ABCA10: variants seen among roughly 807,000 people sequenced by gnomAD.
The protein encoded by ABCA10 is ATP-binding cassette sub-family A member 10.
Under a neutral mutation model 187.5 loss-of-function variants are expected in ABCA10, and 169 were observed. The observed-to-expected ratio is 0.90, with a 90% CI of 0.80 to 1.02. The LOEUF is 1.02. Ranked by LOEUF, ABCA10 falls within the 50% of genes least tolerant of loss-of-function variation. The probability of loss-of-function intolerance (pLI) is 0.00; values close to 1 mark genes in which losing one functional copy is unlikely to be tolerated. For synonymous variants in ABCA10, 574 were observed against 601.8 expected, an observed-to-expected ratio of 0.95 and a Z score of 0.68; for missense variants, 1,727 against 1,812.4, an observed-to-expected ratio of 0.95 and a Z score of 0.86.
At chr17:69,176,158 T>C (rs1182117824) in intron 22 of ABCA10, among the ~76,000 whole-genome samples, 1 of 152,188 alleles carries the variant, frequency 6.6e-6, no homozygotes, top group Non-Finnish European at 1.5e-5. Flanking sequence ...ACAGTTATCA[T>C]ATCTGAAGCA....
intron 22 of ABCA10, chr17:69,179,051 G>A (rs1227746439): frequency 6.6e-6 from 1 of 151,964 alleles, no homozygotes; most frequent in Non-Finnish European, 1.5e-5. Context: ...CATCTCCTCT[G>A]TTTTCTGATT....
intron 18 of ABCA10, among the ~76,000 whole-genome samples, chr17:69,189,975 G>T (rs2074447906): frequency 6.6e-6 from 1 of 152,130 alleles, no homozygotes; most frequent in South Asian, 2.1e-4. Flanking sequence ...ACATTAATTA[G>T]AATTAGTTTA....
chr17:69,156,305 G>A (rs990730708), intron 28 of ABCA10, among the ~76,000 whole-genome samples: 6 of 152,100 alleles, frequency 3.9e-5, no homozygotes, highest in Non-Finnish European at 7.4e-5. Context: ...TCTCCTTAGG[G>A]ACCCATAATG....
chr17:69,178,479 C>T (rs1325785857), intron 22 of ABCA10, among the ~76,000 whole-genome samples: 3 of 152,258 alleles, frequency 2.0e-5, no homozygotes, highest in African/African-American at 7.2e-5. Flanking sequence ...AAATCAGAAT[C>T]TCTGGGGATG....
chr17:69,191,066 A>G (rs1204648111), intron 17 of ABCA10, 110 bp downstream of exon 17: 23 of 1,069,546 alleles, frequency 2.2e-5, no homozygotes, highest in Non-Finnish European at 2.8e-5. Context: ...TTATGAATAA[A>G]TATTTTCATT....
chr17:69,175,818 A>G (rs940131962), intron 22 of ABCA10: 8 of 186,294 alleles, frequency 4.3e-5, no homozygotes, highest in Non-Finnish European at 6.6e-5. Context: ...AACCCTATAC[A>G]TAATATGTTT....
intron 25 of ABCA10, among the ~76,000 whole-genome samples, chr17:69,173,263 G>A (rs1388930282): frequency 1.3e-5 from 2 of 152,266 alleles, no homozygotes; most frequent in East Asian, 1.9e-4. Context: ...AGCTGTCACA[G>A]GGATGCGATT....
At chr17:69,188,343 T>TA (rs1225410068) in intron 18 of ABCA10, among the ~76,000 whole-genome samples, 1 of 152,060 alleles carries the variant, frequency 6.6e-6, no homozygotes, top group Non-Finnish European at 1.5e-5. Flanking sequence ...GCCTCCTGTT[T>TA]GAGTCCCACA....
rs117884762 is a variant in ABCA10 at position 69,218,052 on chromosome 17, T to C, written c.530+1493A>G. Among the ~76,000 whole-genome samples the C allele has an allele frequency of 2.3e-3, 347 of 152,300 alleles. 1 individual carries two copies. Among genetic ancestry groups the C allele is most frequent in the Middle Eastern group, 6.8e-3 (2 of 294 alleles). Reference sequence around the variant, plus strand: ...GATTAAATGTTTGAGGTAATGGATATTCCAATTGTTCTGATTTGATCATTA... The same window carrying C: ...GATTAAATGTTTGAGGTAATGGATACTCCAATTGTTCTGATTTGATCATTA... On this transcript the variant is annotated intron_variant, in intron 6 of 38. Coordinates refer to ENST00000690296, the MANE Select transcript of ABCA10 (RefSeq NM_001377321.1).
intron 9 of ABCA10, among the ~76,000 whole-genome samples, chr17:69,203,405 G>A (rs890199294): frequency 6.6e-6 from 1 of 152,114 alleles, no homozygotes; most frequent in Non-Finnish European, 1.5e-5. Flanking sequence ...TACTACTGTA[G>A]TTATTGCCTG....
intron 27 of ABCA10, among the ~76,000 whole-genome samples, chr17:69,159,365 A>C (rs1485442102): frequency 2.0e-5 from 3 of 152,094 alleles, no homozygotes; most frequent in African/African-American, 7.2e-5. Flanking sequence ...GGGAGAGAGA[A>C]AGAACAGAAA....
At chr17:69,174,430 T>C (rs1446469739) in intron 24 of ABCA10, 36 bp from the exon 25 acceptor site, 2 of 1,527,908 alleles carry the variant, frequency 1.3e-6, no homozygotes, top group Non-Finnish European at 1.8e-6. Flanking sequence ...AGATTAGAAA[T>C]GGCAGGTCAT....
intron 5 of ABCA10, among the ~76,000 whole-genome samples, chr17:69,220,725 T>C (rs1718603596): frequency 6.6e-6 from 1 of 152,196 alleles, no homozygotes; most frequent in Non-Finnish European, 1.5e-5. Flanking sequence ...AGAGCAGACG[T>C]CTAGCTCTTT....
rs891842216 is a variant in ABCA10 at position 69,163,211 on chromosome 17, T to A, written c.3363+863A>T. Among the ~76,000 whole-genome samples, 3 of 152,208 alleles carry A rather than the reference T, an allele frequency of 2.0e-5. No individual in the cohort carries two copies. The South Asian group carries it at 6.2e-4, about 31-fold the overall frequency. ...GATTTTGGAGTCCCATCTTGTCTAA[T>A]GTTCTAACCTTTTCTTCCACTGCAA... On this transcript the variant is annotated intron_variant, in intron 27 of 38. Coordinates refer to ENST00000690296, the MANE Select transcript of ABCA10 (RefSeq NM_001377321.1).
chr17:69,239,211 AT>A (rs1252378673), intron 1 of ABCA10, among the ~76,000 whole-genome samples: 34 of 152,260 alleles, frequency 2.2e-4, no homozygotes, highest in Non-Finnish European at 4.0e-4. Context: ...GTCAGTGTGA[AT>A]GTGATTAGGT....
chr17:69,167,299 C>T (rs567622380), intron 25 of ABCA10, among the ~76,000 whole-genome samples: 11 of 152,094 alleles, frequency 7.2e-5, no homozygotes, highest in Non-Finnish European at 1.6e-4. Flanking sequence ...ACACAGTACT[C>T]TATGGAAAGG....
chr17:69,174,426 G>A, intron 24 of ABCA10, 32 bp from the exon 25 acceptor site: 1 of 1,531,624 alleles, frequency 6.5e-7, no homozygotes, highest in Non-Finnish European at 8.9e-7. Flanking sequence ...GGCAAGATTA[G>A]AAATGGCAGG....
intron 1 of ABCA10, among the ~76,000 whole-genome samples, chr17:69,236,324 A>C (rs988396137): frequency 2.6e-5 from 4 of 152,238 alleles, no homozygotes; most frequent in Non-Finnish European, 5.9e-5. Flanking sequence ...GAAATGACTT[A>C]AGAATAGCAA....
chr17:69,235,482 A>C (rs1341938694), intron 1 of ABCA10, among the ~76,000 whole-genome samples: 7 of 152,208 alleles, frequency 4.6e-5, no homozygotes, highest in Admixed American at 3.3e-4. Context: ...TTCTCAAATG[A>C]ACTAGCACTT....
Sources: gnomAD v4.1 joint callset for allele counts (sites outside exome capture counted in the v4.1 genomes callset) on GRCh38, gnomAD v4.1.1 for gene constraint, MANE v1.5 for transcripts, NCBI Gene and HGNC (gene_info 2026-07-23, HGNC 2026-07-21) for gene names.